TDRD12: variants seen among roughly 807,000 people sequenced by gnomAD.
TDRD12 encodes the protein putative ATP-dependent RNA helicase TDRD12.
Under a neutral mutation model 133.5 loss-of-function variants are expected in TDRD12, and 158 were observed. The ratio of observed to expected loss-of-function variants is 1.18; its 90% CI spans 1.04 to 1.35. The LOEUF (loss-of-function observed/expected upper bound fraction) is 1.35. TDRD12 is among the 40% of genes most tolerant of loss of function. The pLI, the probability that TDRD12 is intolerant of heterozygous loss-of-function variation, is 0.00. For synonymous variants in TDRD12, 460 were observed against 477.9 expected (o/e 0.96, Z 0.49); for missense variants, 1,443 against 1,321.3 (o/e 1.09, Z -1.43).
At chr19:32,768,332 A>G (rs1011428583) in intron 8 of TDRD12, among the ~76,000 whole-genome samples, 2 of 150,868 alleles carry the variant, frequency 1.3e-5, no homozygotes, top group East Asian at 1.9e-4. Flanking sequence ...AGATAAGAAT[A>G]TATGTTTTTA....
chr19:32,797,767 G>C, exon 15 of TDRD12: 1 of 700,738 alleles, frequency 1.4e-6, no homozygotes, highest in South Asian at 1.5e-5. Flanking sequence ...CTGGGTGGAA[G>C]AAGGCCCAAT....
intron 4 of TDRD12, among the ~76,000 whole-genome samples, chr19:32,745,982 CTG>C (rs1186338730): frequency 3.4e-4 from 22 of 63,804 alleles, no homozygotes; most frequent in East Asian, 1.5e-3. Context: ...TGTGGTCATT[CTG>C]TGTGTGTGTG....
In TDRD12 at chr19:32,797,715, G is replaced by T; in HGVS notation, c.1474-20G>T. 1 of 652,780 alleles carries T rather than the reference G, an allele frequency of 1.5e-6. No homozygotes were observed. Among genetic ancestry groups the T allele is most frequent in the Admixed American group, 2.5e-5 (1 of 40,084 alleles). 40.4% of individuals were successfully genotyped at this position (652,780 alleles called of 1,614,324 possible). A position where few individuals can be genotyped will look rare whatever the true frequency, so the allele number is the denominator to read the frequency against. On this transcript the variant is annotated intron_variant, in intron 14 of 27. Coordinates refer to ENST00000444215, the Ensembl canonical transcript of TDRD12. The stretch of plus-strand genomic sequence containing the variant: ...TCCTAACTACTGTCTGGAGTCATTT[G>T]AATTTGTCTGTCTTCGCAGCCTCTC...
chr19:32,810,145 A>G (rs1235486481), exon 23 of TDRD12: 1 of 1,534,430 alleles, frequency 6.5e-7, no homozygotes, highest in South Asian at 1.2e-5. Context: ...CGTATAGTTG[A>G]TAAACACATG....
At chr19:32,795,203 C>T (rs1599596156) in intron 14 of TDRD12, among the ~76,000 whole-genome samples, 1 of 152,106 alleles carries the variant, frequency 6.6e-6, no homozygotes, top group African/African-American at 2.4e-5. Flanking sequence ...GGCATGGTGG[C>T]ATGCCTGTAA....
At chr19:32,723,016 A>G (rs904773673) in intron 1 of TDRD12, among the ~76,000 whole-genome samples, 4 of 152,032 alleles carry the variant, frequency 2.6e-5, no homozygotes, top group African/African-American at 9.7e-5. Flanking sequence ...ATAATTTTAT[A>G]TTTTACATTT....
In TDRD12 at chr19:32,766,244, G is replaced by T. The variant is rs1395988369; in HGVS notation, c.866-6509G>T. On this transcript the variant is annotated intron_variant, in intron 8 of 27. Coordinates refer to ENST00000444215, the Ensembl canonical transcript of TDRD12. ...AAATTTTTTGTCATTTAAAATTTTT[G>T]TGGGCACATAGTAGGTATGTATATT... Among the ~76,000 whole-genome samples the T allele has an allele frequency of 2.6e-5, 4 of 152,164 alleles. No homozygotes were observed. In the East Asian group the frequency reaches 7.7e-4, roughly 29 times the overall value.
intron 11 of TDRD12, among the ~76,000 whole-genome samples, chr19:32,778,642 G>C (rs1337395737): frequency 6.6e-6 from 1 of 152,102 alleles, no homozygotes; most frequent in African/African-American, 2.4e-5. Flanking sequence ...TGGAATTACA[G>C]GCGCCTGCCA....
At chr19:32,764,857 G>A (rs1023408254) in intron 8 of TDRD12, among the ~76,000 whole-genome samples, 13 of 152,238 alleles carry the variant, frequency 8.5e-5, no homozygotes, top group African/African-American at 2.9e-4. Flanking sequence ...AACACCAAAA[G>A]CAATGGCAAC....
At chr19:32,749,187 G>C (rs576387149) in intron 5 of TDRD12, among the ~76,000 whole-genome samples, 20 of 152,236 alleles carry the variant, frequency 1.3e-4, no homozygotes, top group African/African-American at 4.3e-4. Context: ...GGGAGGCTGG[G>C]AGGTCACTGT....
chr19:32,800,608 T>C, intron 17 of TDRD12, 36 bp from the exon 18 acceptor site: 1 of 1,506,698 alleles, frequency 6.6e-7, no homozygotes, highest in Middle Eastern at 1.7e-4. Flanking sequence ...ACCTAAAATA[T>C]TAAAAAGTCA....
chr19:32,802,187 AG>A (rs1971415165), intron 19 of TDRD12, among the ~76,000 whole-genome samples: 1 of 143,684 alleles, frequency 7.0e-6, no homozygotes, highest in African/African-American at 2.6e-5. Context: ...TATATATGAT[AG>A]TGATATATAT....
chr19:32,798,027 T>C lies in TDRD12; in HGVS notation c.1630+136T>C, dbSNP rs905123900. The C allele has an allele frequency of 1.3e-5, 8 of 594,292 alleles. No homozygotes were observed. The East Asian group carries it at 2.2e-4, about 16-fold the overall frequency. The allele number at this position is 594,292 out of a possible 1,614,324, so 36.8% of individuals were successfully genotyped here. On this transcript the variant is annotated intron_variant, in intron 15 of 27. Transcript: ENST00000444215. The stretch of plus-strand genomic sequence containing the variant: ...GTGATGACACACTCACAGTCACTAG[T>C]CCAGACCTACTTGTCAGCTCCCGAC...
In TDRD12 at chr19:32,743,448, A is replaced by G. The variant is rs117665164; in HGVS notation, c.440+548A>G. On this transcript the variant is annotated intron_variant, in intron 4 of 27. Coordinates refer to ENST00000444215, the Ensembl canonical transcript of TDRD12. Reference sequence around the variant, plus strand: ...TCTTTTTTTGAGATAGGGTCTCACTATCTTGCCCAGGCTAGTTTCAAACTT... The same window carrying G: ...TCTTTTTTTGAGATAGGGTCTCACTGTCTTGCCCAGGCTAGTTTCAAACTT... Among the ~76,000 whole-genome samples the G allele has an allele frequency of 3.4e-3, 519 of 150,730 alleles. 3 individuals carry two copies. The highest frequency in any genetic ancestry group is 5.8e-3 in the Non-Finnish European group (395 of 67,826).
chr19:32,798,193 A>G, intron 15 of TDRD12, 115 bp from the exon 16 acceptor site: 1 of 1,011,250 alleles, frequency 9.9e-7, no homozygotes, highest in Non-Finnish European at 1.4e-6. Flanking sequence ...TAGGACAGAA[A>G]CAGTGTTTTA....
intron 9 of TDRD12, 122 bp from the exon 33 acceptor site, chr19:32,827,042 A>T (rs992782984): frequency 2.8e-5 from 13 of 459,114 alleles, no homozygotes; most frequent in African/African-American, 2.6e-4. Context: ...AAATAATGAA[A>T]ATATAAGATA....
In TDRD12 at chr19:32,808,661, A is replaced by G. The variant is rs151240372; in HGVS notation, c.2652+1013A>G. Among the ~76,000 whole-genome samples the G allele has an allele frequency of 2.5e-3, 375 of 152,312 alleles. 2 individuals carry two copies. The highest frequency in any genetic ancestry group is 0.014 in the Middle Eastern group (4 of 294). On this transcript the variant is annotated intron_variant, in intron 22 of 27. Transcript: ENST00000444215. ...TGAGCTTGGGGGTTAGGACATGGAC[A>G]TACCTCTTTTGGGAGAGTCACCACC...
In TDRD12 at chr19:32,724,682, C is replaced by T. The variant is rs535873578; in HGVS notation, c.24+4586C>T. ...CTATTGTGACTAGTGCTACAGTGAA[C>T]ATACGCATGTATGTCTTTATAACAG... On this transcript the variant is annotated intron_variant, in intron 1 of 27. Coordinates refer to ENST00000444215, the Ensembl canonical transcript of TDRD12. Among the ~76,000 whole-genome samples the T allele has an allele frequency of 7.2e-5, 11 of 152,282 alleles. No homozygotes were observed. The South Asian group carries it at 2.3e-3, about 32-fold the overall frequency.
chr19:32,768,927 G>C (rs1970369675), intron 8 of TDRD12, among the ~76,000 whole-genome samples: 1 of 151,840 alleles, frequency 6.6e-6, no homozygotes, highest in Non-Finnish European at 1.5e-5. Flanking sequence ...ATTTTTTATG[G>C]AGACAGAGTC....
Sources: gnomAD v4.1 joint callset for allele counts (sites outside exome capture counted in the v4.1 genomes callset) on GRCh38, gnomAD v4.1.1 for gene constraint, MANE v1.5 for transcripts, NCBI Gene and HGNC (gene_info 2026-07-23, HGNC 2026-07-21) for gene names.